CYP4A22: variants seen among roughly 807,000 people sequenced by gnomAD.
CYP4A22 encodes cytochrome P450 4A22.
In CYP4A22, 46 loss-of-function variants were observed where a neutral mutation model predicts 56.2. That is an observed-to-expected ratio of 0.82 (90% CI 0.65 to 1.05). The LOEUF (loss-of-function observed/expected upper bound fraction) is 1.05. CYP4A22 is among the 50% of genes least tolerant of loss of function. The pLI is 0.00. For synonymous variants in CYP4A22, 193 were observed against 251.1 expected (o/e 0.77, Z 2.19); for missense variants, 541 against 645.9 (o/e 0.84, Z 1.76).
intron 5 of CYP4A22, 142 bp from the exon 6 acceptor site, chr1:47,143,620 A>G: frequency 7.7e-7 from 1 of 1,302,858 alleles, no homozygotes; most frequent in African/African-American, 1.5e-5. Flanking sequence ...AGGCCAAAGG[A>G]TAATAGGGCT....
rs772597514 is a variant in CYP4A22, at chr1:47,144,991, C to T, written c.1222+21C>T. Reference sequence around the variant, plus strand: ...CAAAGGTATGAAGTTTCCCCACCCTCTCACCCAAAGTCTCCACGGGGACGT... The same window carrying T: ...CAAAGGTATGAAGTTTCCCCACCCTTTCACCCAAAGTCTCCACGGGGACGT... On this transcript the variant is annotated intron_variant, in intron 9 of 11. Coordinates refer to ENST00000371891, the MANE Select transcript of CYP4A22 (RefSeq NM_001010969.4). 5.0e-6 allele frequency: 8 copies of T among 1,613,866 alleles called. No individual in the cohort carries two copies. The South Asian group carries it at 5.5e-5, about 11-fold the overall frequency.
chr1:47,145,665 A>T (rs142092724), intron 9 of CYP4A22, among the ~76,000 whole-genome samples: 21 of 152,342 alleles, frequency 1.4e-4, no homozygotes, highest in African/African-American at 4.8e-4. Flanking sequence ...TCATTCCTGC[A>T]TAAATGGTTG....
chr1:47,137,985 C>T (rs749224428), intron 1 of CYP4A22, among the ~76,000 whole-genome samples: 10 of 152,290 alleles, frequency 6.6e-5, no homozygotes, highest in Non-Finnish European at 1.3e-4. Context: ...ACCCCATAAG[C>T]CTTGGCTTTT....
At chr1:47,141,197 TAAAACAAA>T (rs1164006018) in intron 2 of CYP4A22, among the ~76,000 whole-genome samples, 3 of 152,220 alleles carry the variant, frequency 2.0e-5, no homozygotes, top group Non-Finnish European at 4.4e-5. Context: ...CCCAGATCTG[TAAAACAAA>T]TTTCATACCC....
At chr1:47,142,448 C>T (rs1447899706) in intron 4 of CYP4A22, among the ~76,000 whole-genome samples, 2 of 152,210 alleles carry the variant, frequency 1.3e-5, no homozygotes, top group East Asian at 3.8e-4. Context: ...TGTTCCCCAC[C>T]ATAGGAATAG....
rs184039552 is a variant in CYP4A22, at chr1:47,145,543, T to C, written c.1223-323T>C. On this transcript the variant is annotated intron_variant, in intron 9 of 11. Coordinates refer to ENST00000371891, the MANE Select transcript of CYP4A22 (RefSeq NM_001010969.4). ...AAGAATGTCTTCCTTGGAGCATTGT[T>C]GTATTGAGTGAGTTCATGTATATTC... 3.4e-3 allele frequency among the ~76,000 whole-genome samples: 523 copies of C among 152,344 alleles called. 13 individuals carry two copies. Among genetic ancestry groups the C allele is most frequent in the Admixed American group, 0.032 (494 of 15,310 alleles).
intron 1 of CYP4A22, among the ~76,000 whole-genome samples, chr1:47,138,346 A>G (rs541270246): frequency 4.3e-4 from 66 of 152,258 alleles, no homozygotes; most frequent in African/African-American, 1.4e-3. Flanking sequence ...ATGTCCTCCA[A>G]GTGAGGAGAC....
chr1:47,142,224 C>T lies in CYP4A22; in HGVS notation c.499C>T (p.Arg167Ter), dbSNP rs771031011. 37 of 1,608,768 alleles carry T rather than the reference C, an allele frequency of 2.3e-5. No homozygotes were observed. Among genetic ancestry groups the T allele is most frequent in the Admixed American group, 3.4e-5 (2 of 59,486 alleles). ...PYVGLMADSV[R>*]VMLDKWEELL... Reference sequence around the variant, plus strand: ...CGTGGGGCTCATGGCAGACTCTGTACGAGTGATGCTGGTGAGTCCATGTCT... The same window carrying T: ...CGTGGGGCTCATGGCAGACTCTGTATGAGTGATGCTGGTGAGTCCATGTCT... The change falls in exon 4 of 12, where the codon CGA becomes TGA. Residue 167 changes from arginine (R) to a stop codon, truncating the protein, a stop_gained. Transcript: ENST00000371891. LOFTEE classifies it high-confidence loss of function.
In CYP4A22 at chr1:47,140,875, C is replaced by G. The variant is rs368359526; in HGVS notation, c.291C>G (p.Val97=). 39 of 1,614,140 alleles carry G rather than the reference C, an allele frequency of 2.4e-5. No individual in the cohort carries two copies. The African/African-American group carries it at 4.7e-4, about 19-fold the overall frequency. Reference sequence around the variant, plus strand: ...GGATATGGGGAGGCAAAGTTCGTGTCCAGCTCTATGACCCTGACTATATGA... The same window carrying G: ...GGATATGGGGAGGCAAAGTTCGTGTGCAGCTCTATGACCCTGACTATATGA... ...PYWIWGGKVR[V]QLYDPDYMKV... The change falls in exon 2 of 12, where the codon GTC becomes GTG. Residue 97 remains valine (V), a synonymous_variant. Coordinates refer to ENST00000371891, the MANE Select transcript of CYP4A22 (RefSeq NM_001010969.4).
intron 2 of CYP4A22, among the ~76,000 whole-genome samples, chr1:47,141,156 G>A (rs1293085377): frequency 2.0e-5 from 3 of 152,116 alleles, no homozygotes; most frequent in Non-Finnish European, 4.4e-5. Flanking sequence ...TCTCTATTAA[G>A]AAAATTGAGG....
At chr1:47,142,668 C>T (rs943226175) in intron 4 of CYP4A22, among the ~76,000 whole-genome samples, 4 of 152,198 alleles carry the variant, frequency 2.6e-5, no homozygotes, top group South Asian at 2.1e-4. Flanking sequence ...TTTAAGCCAC[C>T]CTGGGAAGGA....
chr1:47,142,864 C>T (rs1358188998), intron 4 of CYP4A22, among the ~76,000 whole-genome samples: 1 of 152,258 alleles, frequency 6.6e-6, no homozygotes, highest in Non-Finnish European at 1.5e-5. Context: ...GGCACTGAAA[C>T]TTTCTGCCCT....
chr1:47,138,743 G>C (rs996775362), intron 1 of CYP4A22, among the ~76,000 whole-genome samples: 1 of 152,214 alleles, frequency 6.6e-6, no homozygotes, highest in African/African-American at 2.4e-5. Flanking sequence ...GACACACCAG[G>C]TGTAGAGGAA....
chr1:47,145,586 A>G (rs34291977), intron 9 of CYP4A22, among the ~76,000 whole-genome samples: 1 of 152,162 alleles, frequency 6.6e-6, no homozygotes, highest in Non-Finnish European at 1.5e-5. Context: ...ACCCTTGGAG[A>G]ATATTTGATG....
intron 4 of CYP4A22, 111 bp downstream of exon 4, chr1:47,142,346 C>T: frequency 6.9e-7 from 1 of 1,455,786 alleles, no homozygotes; most frequent in Non-Finnish European, 9.1e-7. Context: ...ACACATGGAA[C>T]AACACTCTCA....
At chr1:47,141,719 C>T (rs1645012084) in intron 3 of CYP4A22, 104 bp downstream of exon 3, 8 of 1,428,634 alleles carry the variant, frequency 5.6e-6, no homozygotes, top group Non-Finnish European at 6.7e-6. Flanking sequence ...ATCATGACCT[C>T]ATCCCCAAAT....
At position 47,143,784 on chromosome 1, in the gene CYP4A22, GC is replaced by G. The variant is rs768846726; in HGVS notation, c.660del (p.Ile221LeufsTer4). 2.5e-6 allele frequency: 4 copies of G among 1,613,032 alleles called. No individual in the cohort carries two copies. The South Asian group carries it at 4.4e-5, about 18-fold the overall frequency. ...VDRNSQSYIQ[A>X]ISDLNSLVFC... is the part of the protein sequence containing the mutation. ...CAGGAATTCTCAGTCCTACATCCAG[GC>G]CATTAGTGACCTGAACAGCCTGGTT... On this transcript the variant is annotated frameshift_variant, in exon 6 of 12. Coordinates refer to ENST00000371891, the MANE Select transcript of CYP4A22 (RefSeq NM_001010969.4). LOFTEE classifies it high-confidence loss of function.
chr1:47,145,003 C>A (rs1413203279), intron 9 of CYP4A22, 33 bp downstream of exon 9: 2 of 1,612,914 alleles, frequency 1.2e-6, no homozygotes. Flanking sequence ...CACCCAAAGT[C>A]TCCACGGGGA....
At position 47,144,389 on chromosome 1, in the gene CYP4A22, C is replaced by T. The variant is rs570937997; in HGVS notation, c.823C>T (p.Gln275Ter). 5 of 1,613,922 alleles carry T rather than the reference C, an allele frequency of 3.1e-6. No homozygotes were observed. The African/African-American group carries it at 6.7e-5, about 22-fold the overall frequency. ...GATCCAACTGAGGAAGGCTCAACTA[C>T]AGAAGGAGGGGGAGCTGGAGAAGAT... is the stretch of plus-strand genomic sequence containing the variant. ...QVIQLRKAQL[Q>*]KEGELEKIKR... Residue 275 changes from glutamine (Q) to a stop codon, truncating the protein, a stop_gained, in exon 7 of 12, where the codon CAG becomes TAG. Coordinates refer to ENST00000371891, the MANE Select transcript of CYP4A22 (RefSeq NM_001010969.4). LOFTEE classifies it high-confidence loss of function.
Sources: gnomAD v4.1 joint callset for allele counts (sites outside exome capture counted in the v4.1 genomes callset) on GRCh38, gnomAD v4.1.1 for gene constraint, MANE v1.5 for transcripts, NCBI Gene and HGNC (gene_info 2026-07-23, HGNC 2026-07-21) for gene names.